CORO2A: variants seen among roughly 807,000 people sequenced by gnomAD.
The protein encoded by CORO2A is coronin-2A.
In CORO2A, 47 loss-of-function variants were observed where a neutral mutation model predicts 62.4. The observed-to-expected ratio is 0.75, with a 90% CI of 0.60 to 0.96. The LOEUF (loss-of-function observed/expected upper bound fraction) is 0.96. CORO2A is among the 40% of genes least tolerant of loss of function. The pLI is 0.00. For synonymous variants in CORO2A, 273 were observed against 268.9 expected, an observed-to-expected ratio of 1.02 and a Z score of -0.15; for missense variants, 610 against 684.1, an observed-to-expected ratio of 0.89 and a Z score of 1.21.
At chr9:98,135,989 C>T (rs1482740958) in intron 3 of CORO2A, among the ~76,000 whole-genome samples, 1 of 152,204 alleles carries the variant, frequency 6.6e-6, no homozygotes, top group Non-Finnish European at 1.5e-5. Context: ...AGAGGAGCAA[C>T]CGTGCCCTCC....
intron 3 of CORO2A, among the ~76,000 whole-genome samples, chr9:98,136,334 C>T (rs573944877): frequency 1.4e-4 from 21 of 152,362 alleles, no homozygotes; most frequent in African/African-American, 4.6e-4. Flanking sequence ...CTGTCCTTTA[C>T]GTTCCTCAGC....
intron 2 of CORO2A, among the ~76,000 whole-genome samples, chr9:98,153,419 T>C (rs965255850): frequency 1.1e-3 from 169 of 151,416 alleles, no homozygotes; most frequent in African/African-American, 3.9e-3. Context: ...TTTTTTTTTT[T>C]TTTTAAGAGA....
At position 98,137,626 on chromosome 9, in the gene CORO2A, G is replaced by A; in HGVS notation, c.264C>T (p.Val88=). ...VCGHRGNVLD[V]KWNPFDDFEI... ...CAAAATCATCAAAAGGGTTCCACTT[G>A]ACATCCAAAACGTTGCCTCTGTGCC... Residue 88 remains valine (V), a synonymous_variant, in exon 3 of 12, where the codon GTC becomes GTT. Transcript: ENST00000375077. The A allele has an allele frequency of 6.8e-6, 11 of 1,614,262 alleles. No homozygotes were observed. The highest frequency in any genetic ancestry group is 9.3e-6 in the Non-Finnish European group (11 of 1,180,054).
At chr9:98,179,332 G>T (rs1828147757) in intron 1 of CORO2A, among the ~76,000 whole-genome samples, 1 of 152,228 alleles carries the variant, frequency 6.6e-6, no homozygotes, top group Non-Finnish European at 1.5e-5. Context: ...CCAGCATTGT[G>T]CTGGCCTGGG....
intron 1 of CORO2A, among the ~76,000 whole-genome samples, chr9:98,187,328 G>A (rs966705692): frequency 6.7e-5 from 10 of 149,812 alleles, no homozygotes; most frequent in Non-Finnish European, 1.0e-4. Context: ...GCATGATGGC[G>A]GATACCTATA....
intron 4 of CORO2A, among the ~76,000 whole-genome samples, chr9:98,133,787 A>G (rs1454687889): frequency 6.6e-6 from 1 of 152,270 alleles, no homozygotes; most frequent in East Asian, 1.9e-4. Flanking sequence ...TTTTTGAGAC[A>G]GGATTGCCCA....
At chr9:98,172,733 TTCCAGCCTCCAGGAGC>T (rs1217560772) in intron 1 of CORO2A, 67 of 152,442 alleles carry the variant, frequency 4.4e-4, no homozygotes, top group African/African-American at 1.6e-3. Flanking sequence ...TCCTCTCTGC[TTCCAGCCTCCAGGAGC>T]TCCACCTAAA....
chr9:98,159,357 C>T (rs965000972), intron 1 of CORO2A, among the ~76,000 whole-genome samples: 2 of 152,148 alleles, frequency 1.3e-5, no homozygotes, highest in African/African-American at 4.8e-5. Context: ...CTCACATCAC[C>T]CTCTGATGCT....
intron 6 of CORO2A, among the ~76,000 whole-genome samples, chr9:98,131,569 A>G (rs1827409929): frequency 6.6e-6 from 1 of 152,016 alleles, no homozygotes; most frequent in South Asian, 2.1e-4. Context: ...TCCTCCCGCC[A>G]TGGCCTTCTG....
At chr9:98,143,757 G>C (rs532795089) in intron 2 of CORO2A, among the ~76,000 whole-genome samples, 1 of 152,112 alleles carries the variant, frequency 6.6e-6, no homozygotes, top group East Asian at 1.9e-4. Flanking sequence ...ACTGGGCAGG[G>C]GACAAACTGT....
In CORO2A at chr9:98,124,713, TC is replaced by T; in HGVS notation, c.*60del. 6.7e-7 allele frequency: 1 copy of T among 1,499,450 alleles called. No homozygotes were observed. The highest frequency in any genetic ancestry group is 8.9e-7 in the Non-Finnish European group (1 of 1,117,804). The allele number at this position is 1,499,450 out of a possible 1,614,324, so 92.9% of individuals were successfully genotyped here. A position where few individuals can be genotyped will look rare whatever the true frequency, so the allele number is the denominator to read the frequency against. On this transcript the variant is annotated 3_prime_UTR_variant, in exon 12 of 12. Transcript: ENST00000375077. Reference sequence around the variant, plus strand: ...TCCTTGAGGGGACTTGTGGTTTGGTTCTAAACCTCCCCATGGAGCCGAGTGG... The same window carrying T: ...TCCTTGAGGGGACTTGTGGTTTGGTTTAAACCTCCCCATGGAGCCGAGTGG...
intron 3 of CORO2A, among the ~76,000 whole-genome samples, chr9:98,135,861 G>A (rs1016359942): frequency 5.3e-5 from 8 of 152,092 alleles, no homozygotes; most frequent in Admixed American, 3.3e-4. Context: ...CAGATACTTC[G>A]GTCTGATGAG....
At position 98,173,748 on chromosome 9, in the gene CORO2A, C is replaced by T. The variant is rs2118916343; in HGVS notation, c.1-16088G>A. On this transcript the variant is annotated intron_variant, in intron 1 of 11. Transcript: ENST00000375077. Reference sequence around the variant, plus strand: ...AGTCAGAGAAACCTGGATCCAAATCCAGACTCACTTCCCTTCTCTAAGTCT... The same window carrying T: ...AGTCAGAGAAACCTGGATCCAAATCTAGACTCACTTCCCTTCTCTAAGTCT... Among the ~76,000 whole-genome samples the T allele has an allele frequency of 1.3e-5, 2 of 152,306 alleles. 1 individual carries two copies. Among genetic ancestry groups the T allele is most frequent in the Non-Finnish European group, 2.9e-5 (2 of 68,024 alleles).
At chr9:98,147,189 C>T (rs186918999) in intron 2 of CORO2A, among the ~76,000 whole-genome samples, 8 of 152,070 alleles carry the variant, frequency 5.3e-5, no homozygotes, top group African/African-American at 1.7e-4. Flanking sequence ...AAACCACAAG[C>T]AAAGTGGCAT....
At chr9:98,144,295 C>T (rs954489256) in intron 2 of CORO2A, among the ~76,000 whole-genome samples, 1 of 152,148 alleles carries the variant, frequency 6.6e-6, no homozygotes, top group African/African-American at 2.4e-5. Context: ...GATTTACCTC[C>T]CAACCACCCC....
intron 1 of CORO2A, among the ~76,000 whole-genome samples, chr9:98,175,402 T>C (rs902175652): frequency 6.6e-6 from 1 of 152,126 alleles, no homozygotes; most frequent in Non-Finnish European, 1.5e-5. Context: ...AGGGACCCCC[T>C]AATTAGCACC....
intron 11 of CORO2A, 108 bp downstream of exon 11, chr9:98,126,441 G>T: frequency 2.8e-6 from 4 of 1,426,866 alleles, no homozygotes; most frequent in African/African-American, 1.4e-5. Context: ...AGGCCACACA[G>T]CTGGTTATTC....
chr9:98,137,021 T>C (rs747521577), intron 3 of CORO2A, among the ~76,000 whole-genome samples: 3 of 152,174 alleles, frequency 2.0e-5, no homozygotes, highest in Admixed American at 6.5e-5. Context: ...CATACCACCA[T>C]ATTTTAGAAG....
intron 2 of CORO2A, among the ~76,000 whole-genome samples, chr9:98,153,487 A>T (rs1395696824): frequency 1.3e-5 from 2 of 151,638 alleles, no homozygotes; most frequent in Non-Finnish European, 2.9e-5. Flanking sequence ...AGCTACTGCA[A>T]CCTCAAATTC....
Sources: allele counts gnomAD v4.1 joint callset (sites outside exome capture counted in the v4.1 genomes callset), GRCh38; gene constraint gnomAD v4.1.1; transcripts MANE v1.5; gene names NCBI Gene and HGNC (gene_info 2026-07-23, HGNC 2026-07-21).